The following GSE1 variants were observed in gnomAD, a reference collection of about 807,000 sequenced individuals.
GSE1 encodes the protein genetic suppressor element 1.
In GSE1, 32 loss-of-function variants were observed where a neutral mutation model predicts 112.6. The observed-to-expected ratio is 0.28, with a 90% CI of 0.21 to 0.38. The LOEUF is 0.38. GSE1 is among the 10% of genes least tolerant of loss of function. GSE1 has a pLI of 1.00. For missense variants in GSE1, 2,348 were observed against 1,699.2 expected (o/e 1.38, Z -6.71); for synonymous variants, 1,115 against 735.6 (o/e 1.52, Z -8.35).
intron 1 of GSE1, among the ~76,000 whole-genome samples, chr16:85,247,184 T>C (rs936651870): frequency 2.0e-5 from 3 of 152,142 alleles, no homozygotes; most frequent in African/African-American, 7.2e-5. Flanking sequence ...AGTGTCCTGG[T>C]CTTGATTTCG....
At chr16:85,626,490 T>G (rs1412676518) in intron 1 of GSE1, among the ~76,000 whole-genome samples, 1 of 152,250 alleles carries the variant, frequency 6.6e-6, no homozygotes, top group Non-Finnish European at 1.5e-5. Flanking sequence ...AAACATTTCT[T>G]TCTGCGGTAA....
In GSE1 at chr16:85,410,320, A is replaced by G. The variant is rs1335526861; in HGVS notation, c.2464+52677A>G. ...GGCCCCCTGGATAATCCTCACTGTT[A>G]CACTCAGGCCCCCCTGGATAATCCT... On this transcript the variant is annotated intron_variant, in intron 2 of 2. Coordinates refer to the GSE1 transcript ENST00000637419. Among the ~76,000 whole-genome samples the G allele has an allele frequency of 1.3e-3, 46 of 35,446 alleles. 2 individuals carry two copies. The highest frequency in any genetic ancestry group is 4.1e-3 in the South Asian group (3 of 738). The allele number at this position is 35,446 out of a possible 152,430, so 23.3% of individuals were successfully genotyped here. A position where few individuals can be genotyped will look rare whatever the true frequency, so the allele number is the denominator to read the frequency against.
intron 1 of GSE1, among the ~76,000 whole-genome samples, chr16:85,191,892 C>G (rs1412131982): frequency 3.3e-5 from 5 of 152,038 alleles, no homozygotes; most frequent in African/African-American, 1.2e-4. Context: ...GCCTGAAGGA[C>G]TTAGGCCATT....
At chr16:85,221,686 T>C (rs544336111) in intron 1 of GSE1, among the ~76,000 whole-genome samples, 64 of 151,984 alleles carry the variant, frequency 4.2e-4, no homozygotes, top group African/African-American at 1.3e-3. Context: ...ACAAGATGAG[T>C]GTTTGAAACA....
chr16:85,642,104 G>A (rs1035886892), intron 2 of GSE1, among the ~76,000 whole-genome samples: 3 of 152,246 alleles, frequency 2.0e-5, no homozygotes, highest in Admixed American at 6.5e-5. Context: ...GTCATGGCAC[G>A]TGGCACACTG....
At chr16:85,288,751 G>A (rs1255658972) in intron 1 of GSE1, among the ~76,000 whole-genome samples, 1 of 152,176 alleles carries the variant, frequency 6.6e-6, no homozygotes, top group East Asian at 1.9e-4. Flanking sequence ...CTGGGTCATT[G>A]GAATCTGGGG....
chr16:85,594,318 C>T (rs1436807222), intron 1 of GSE1: 3 of 152,126 alleles, frequency 2.0e-5, no homozygotes, highest in Non-Finnish European at 4.4e-5. Context: ...TCTCCATCTG[C>T]TCTCCACCGA....
intron 1 of GSE1, among the ~76,000 whole-genome samples, chr16:85,172,064 C>G (rs753285785): frequency 2.0e-5 from 3 of 152,164 alleles, no homozygotes; most frequent in Non-Finnish European, 4.4e-5. Context: ...GAATAGGGCA[C>G]TGCTGAGAAC....
intron 2 of GSE1, among the ~76,000 whole-genome samples, chr16:85,525,786 G>C (rs536102501): frequency 6.6e-6 from 1 of 152,316 alleles, no homozygotes; most frequent in South Asian, 2.1e-4. Context: ...ACCTCGCTGG[G>C]CTCCAGTTTC....
chr16:85,637,366 G>A (rs1159681801), intron 2 of GSE1, among the ~76,000 whole-genome samples: 2 of 152,236 alleles, frequency 1.3e-5, no homozygotes, highest in Non-Finnish European at 1.5e-5. Context: ...CCGGGTCGGG[G>A]GAGCTGGGTG....
At chr16:85,516,457 C>CAAAAAAAA (rs71151299) in intron 2 of GSE1, among the ~76,000 whole-genome samples, 1 of 69,446 alleles carries the variant, frequency 1.4e-5, no homozygotes, top group African/African-American at 5.1e-5. Flanking sequence ...CCCATCTCTA[C>CAAAAAAAA]AAAAAAAAAA....
chr16:85,443,340 C>T (rs1319475213), intron 2 of GSE1, among the ~76,000 whole-genome samples: 1 of 152,214 alleles, frequency 6.6e-6, no homozygotes, highest in Non-Finnish European at 1.5e-5. Context: ...CGCAGTGCAG[C>T]GCATGGCCCA....
At chr16:85,239,151 C>T (rs1158654745) in intron 1 of GSE1, among the ~76,000 whole-genome samples, 3 of 152,136 alleles carry the variant, frequency 2.0e-5, no homozygotes, top group East Asian at 1.9e-4. Context: ...AGGCTGGTCT[C>T]GAACTCCCGA....
At chr16:85,518,405 C>T (rs2052026034) in intron 2 of GSE1, among the ~76,000 whole-genome samples, 1 of 152,182 alleles carries the variant, frequency 6.6e-6, no homozygotes, top group African/African-American at 2.4e-5. Context: ...TGTGTCATCT[C>T]ATTCGCTGTC....
chr16:85,549,237 C>T (rs1315955592), intron 2 of GSE1, among the ~76,000 whole-genome samples: 1 of 151,548 alleles, frequency 6.6e-6, no homozygotes, highest in Admixed American at 6.6e-5. Context: ...TGCAGTGGCA[C>T]AAACACAGCT....
At chr16:85,397,691 A>G (rs906562015) in intron 2 of GSE1, among the ~76,000 whole-genome samples, 14 of 152,126 alleles carry the variant, frequency 9.2e-5, no homozygotes, top group Non-Finnish European at 2.1e-4. Context: ...CCTCTGGAGG[A>G]CGCGCGTCAG....
chr16:85,494,778 C>G (rs2051117521), intron 2 of GSE1, among the ~76,000 whole-genome samples: 1 of 152,228 alleles, frequency 6.6e-6, no homozygotes, highest in African/African-American at 2.4e-5. Flanking sequence ...AGTGCAGACT[C>G]AGGAGCTAGA....
At chr16:85,639,232 C>T (rs980690146) in intron 2 of GSE1, among the ~76,000 whole-genome samples, 14 of 152,226 alleles carry the variant, frequency 9.2e-5, no homozygotes, top group African/African-American at 2.7e-4. Flanking sequence ...GCAGCTGGGC[C>T]AGCTCCCGCT....
chr16:85,245,258 T>C (rs1905513862), intron 1 of GSE1, among the ~76,000 whole-genome samples: 1 of 152,220 alleles, frequency 6.6e-6, no homozygotes, highest in African/African-American at 2.4e-5. Flanking sequence ...GCTTCTGATA[T>C]CTCTCAGCCG....
Sources: allele counts gnomAD v4.1 joint callset (sites outside exome capture counted in the v4.1 genomes callset), GRCh38; gene constraint gnomAD v4.1.1; transcripts MANE v1.5; gene names NCBI Gene and HGNC (gene_info 2026-07-23, HGNC 2026-07-21).